DPRX: variants seen among roughly 807,000 people sequenced by gnomAD.
The protein encoded by DPRX is divergent-paired related homeobox.
In DPRX, 11 loss-of-function variants were observed where a neutral mutation model predicts 8.4. The ratio of observed to expected loss-of-function variants is 1.31; its 90% confidence interval spans 0.82 to 2.17. The LOEUF (loss-of-function observed/expected upper bound fraction) is 2.17. Among genes scored for constraint, DPRX ranks in the 30% most tolerant of loss-of-function variants. The pLI, the probability that DPRX is intolerant of heterozygous loss-of-function variation, is 0.00. For synonymous variants in DPRX, 72 were observed against 87.0 expected (o/e 0.83, Z 0.96); for missense variants, 211 against 236.7 (o/e 0.89, Z 0.71).
chr19:53,623,942 C>T, the DPRX span, among the ~76,000 whole-genome samples: 1 of 147,878 alleles, frequency 6.8e-6, no homozygotes, highest in Non-Finnish European at 1.5e-5. Context: ...AAGAGTGAAA[C>T]TCCGTCTCAA....
the DPRX span, among the ~76,000 whole-genome samples, chr19:53,611,262 G>T: frequency 6.6e-6 from 1 of 151,924 alleles, no homozygotes; most frequent in Non-Finnish European, 1.5e-5. Context: ...GTGCTCTCAT[G>T]ATAATTTTTT....
the DPRX span, among the ~76,000 whole-genome samples, chr19:53,610,158 A>AAAAAAG: frequency 6.1e-5 from 6 of 98,226 alleles, no homozygotes; most frequent in African/African-American, 2.2e-4. Context: ...TCTCAAAAAA[A>AAAAAAG]AAAAAAAAAA....
chr19:53,631,605 C>A (rs1359296948), upstream of DPRX, among the ~76,000 whole-genome samples: 2 of 151,850 alleles, frequency 1.3e-5, no homozygotes, highest in African/African-American at 4.8e-5. Context: ...ACTAAAAATA[C>A]AAAAATTAGT....
the DPRX span, among the ~76,000 whole-genome samples, chr19:53,611,322 C>T: frequency 6.6e-6 from 1 of 152,016 alleles, no homozygotes; most frequent in African/African-American, 2.4e-5. Context: ...GGCTGGAGTG[C>T]AGCAGGCTCA....
At chr19:53,636,680 A>G (rs1025988724) in exon 3 of DPRX, 3 of 1,614,154 alleles carry the variant, frequency 1.9e-6, no homozygotes, top group South Asian at 1.1e-5. Flanking sequence ...ACAACCGCCA[A>G]TACCAGAGGG....
chr19:53,623,053 C>T, the DPRX span, among the ~76,000 whole-genome samples: 1 of 151,798 alleles, frequency 6.6e-6, no homozygotes, highest in African/African-American at 2.4e-5. Flanking sequence ...CACCTGTAAT[C>T]CCAGCACTTT....
intron 1 of DPRX, among the ~76,000 whole-genome samples, chr19:53,633,855 G>C (rs2091102160): frequency 1.3e-5 from 2 of 151,396 alleles, no homozygotes; most frequent in African/African-American, 4.9e-5. Context: ...TGCTGGCCAG[G>C]CTGGTCTCAA....
At chr19:53,616,908 T>A in the DPRX span, 1,921 of 1,456,634 alleles carry the variant, frequency 1.3e-3, 1 homozygote, top group Non-Finnish European at 1.7e-3. Flanking sequence ...CTATGTATGC[T>A]CTGGTGGTGG....
At chr19:53,620,275 T>G in the DPRX span, among the ~76,000 whole-genome samples, 1 of 152,012 alleles carries the variant, frequency 6.6e-6, no homozygotes, top group Non-Finnish European at 1.5e-5. Context: ...TTCACCATGT[T>G]AGCCAGGATG....
chr19:53,636,540 A>G, intron 2 of DPRX, 56 bp from the exon 3 acceptor site: 2 of 1,335,246 alleles, frequency 1.5e-6, no homozygotes. Flanking sequence ...TTTTTTAAAA[A>G]TAGAATGACA....
the DPRX span, among the ~76,000 whole-genome samples, chr19:53,623,083 A>G: frequency 6.6e-6 from 1 of 150,690 alleles, no homozygotes; most frequent in African/African-American, 2.4e-5. Context: ...AGGCGGGCGG[A>G]TCACGAGGTC....
chr19:53,632,003 G>T, upstream of DPRX: 1 of 1,508,008 alleles, frequency 6.6e-7, no homozygotes, highest in Non-Finnish European at 9.2e-7. Flanking sequence ...GGTGGAGGAG[G>T]TGGGAGTCGG....
At chr19:53,622,090 C>G in the DPRX span, among the ~76,000 whole-genome samples, 2 of 152,108 alleles carry the variant, frequency 1.3e-5, no homozygotes, top group Non-Finnish European at 2.9e-5. Flanking sequence ...AAAAGGTTAA[C>G]TAGTCTATAA....
At chr19:53,620,450 C>CCT in the DPRX span, among the ~76,000 whole-genome samples, 61 of 150,304 alleles carry the variant, frequency 4.1e-4, no homozygotes, top group Admixed American at 4.0e-3. Context: ...GCAACCTCTG[C>CCT]CCCCTGGGTT....
chr19:53,603,580 C>T, the DPRX span: 7 of 353,106 alleles, frequency 2.0e-5, no homozygotes, highest in Non-Finnish European at 1.1e-5. Context: ...AAGATTAACC[C>T]AGGTCCCTGT....
chr19:53,602,364 T>TC, the DPRX span, among the ~76,000 whole-genome samples: 1 of 149,444 alleles, frequency 6.7e-6, no homozygotes, highest in East Asian at 2.0e-4. Context: ...CCAAATACTT[T>TC]TTTTTTTTTT....
At chr19:53,604,709 A>G in the DPRX span, among the ~76,000 whole-genome samples, 10 of 152,090 alleles carry the variant, frequency 6.6e-5, no homozygotes, top group African/African-American at 2.2e-4. Context: ...TGGGTGTGGT[A>G]GCACATGCCT....
chr19:53,621,434 C>T, the DPRX span, among the ~76,000 whole-genome samples: 2 of 152,070 alleles, frequency 1.3e-5, no homozygotes, highest in Non-Finnish European at 2.9e-5. Context: ...CACCCAGCCT[C>T]ATTTCTATAT....
the DPRX span, among the ~76,000 whole-genome samples, chr19:53,607,394 C>A: frequency 1.3e-5 from 2 of 151,928 alleles, no homozygotes; most frequent in Middle Eastern, 6.8e-3. Flanking sequence ...CCCATCTCTA[C>A]AAAAATTTAA....
Sources: allele counts gnomAD v4.1 joint callset (sites outside exome capture counted in the v4.1 genomes callset), GRCh38; gene constraint gnomAD v4.1.1; transcripts MANE v1.5; gene names NCBI Gene and HGNC (gene_info 2026-07-23, HGNC 2026-07-21).